Variants in TGFA observed in about 807,000 individuals in gnomAD.
TGFA encodes the protein protransforming growth factor alpha.
A neutral mutation model predicts 21.7 loss-of-function variants in TGFA; 12 were observed. The observed-to-expected ratio is 0.55, with a 90% CI of 0.35 to 0.90. TGFA has a LOEUF of 0.90. Ranked by LOEUF, TGFA falls within the 40% of genes least tolerant of loss-of-function variation. The pLI is 0.01. For missense variants in TGFA, 178 were observed against 210.8 expected, an observed-to-expected ratio of 0.84 and a Z score of 0.96; for synonymous variants, 79 against 88.1, an observed-to-expected ratio of 0.90 and a Z score of 0.58.
At chr2:70,524,566 G>A (rs948287725) in intron 1 of TGFA, among the ~76,000 whole-genome samples, 2 of 152,240 alleles carry the variant, frequency 1.3e-5, no homozygotes, top group East Asian at 1.9e-4. Context: ...TACCAGGGCC[G>A]AGTTCTGAGG....
intron 2 of TGFA, among the ~76,000 whole-genome samples, chr2:70,471,133 T>G (rs1670736108): frequency 7.3e-6 from 1 of 136,662 alleles, no homozygotes; most frequent in Admixed American, 8.0e-5. Flanking sequence ...ATAACCAAAC[T>G]TCTTAAAAAC....
At chr2:70,495,976 C>T (rs1162591060) in intron 2 of TGFA, among the ~76,000 whole-genome samples, 2 of 152,116 alleles carry the variant, frequency 1.3e-5, no homozygotes, top group Admixed American at 6.5e-5. Context: ...TGCGTGCTTC[C>T]TTGATATATA....
At chr2:70,540,973 C>T (rs782709597) in intron 1 of TGFA, among the ~76,000 whole-genome samples, 1 of 152,078 alleles carries the variant, frequency 6.6e-6, no homozygotes, top group African/African-American at 2.4e-5. Flanking sequence ...TTAGCAAAGT[C>T]TAGAGAATGA....
intron 2 of TGFA, among the ~76,000 whole-genome samples, chr2:70,510,818 A>T (rs1289446816): frequency 6.6e-6 from 1 of 152,172 alleles, no homozygotes; most frequent in Non-Finnish European, 1.5e-5. Context: ...GTCAAGTTAT[A>T]AGAACACAGA....
At chr2:70,486,315 G>A (rs559086734) in intron 2 of TGFA, among the ~76,000 whole-genome samples, 4 of 152,276 alleles carry the variant, frequency 2.6e-5, no homozygotes, top group South Asian at 2.1e-4. Flanking sequence ...CCTTCCATCC[G>A]TGTCTGAGTA....
rs550467148 is a variant in TGFA, at chr2:70,499,229, C to T, written c.94+15630G>A. On this transcript the variant is annotated intron_variant, in intron 2 of 5. Coordinates refer to ENST00000295400, the MANE Select transcript of TGFA (RefSeq NM_003236.4). Reference sequence around the variant, plus strand: ...ACCTCTATTTCTAGGTATATAGAGGCCTTCCCGGTCTCCTTGGAGCTAGGT... The same window carrying T: ...ACCTCTATTTCTAGGTATATAGAGGTCTTCCCGGTCTCCTTGGAGCTAGGT... Among the ~76,000 whole-genome samples, 24 of 152,326 alleles carry T rather than the reference C, an allele frequency of 1.6e-4. No homozygotes were observed. In the South Asian group the frequency reaches 4.6e-3, roughly 29 times the overall value.
At chr2:70,469,513 T>TTAGAGAG (rs1670669965) in intron 2 of TGFA, among the ~76,000 whole-genome samples, 2 of 152,108 alleles carry the variant, frequency 1.3e-5, no homozygotes, top group South Asian at 4.2e-4. Context: ...TTTTTGTATC[T>TTAGAGAG]TAGTAGAGAG....
intron 1 of TGFA, among the ~76,000 whole-genome samples, chr2:70,536,308 G>A (rs1553504375): frequency 6.6e-6 from 1 of 152,176 alleles, no homozygotes; most frequent in African/African-American, 2.4e-5. Context: ...TATGGGTAGT[G>A]ACTTCAATAT....
intron 2 of TGFA, among the ~76,000 whole-genome samples, chr2:70,508,975 TAGA>T (rs1289954520): frequency 1.3e-5 from 2 of 152,136 alleles, no homozygotes; most frequent in East Asian, 3.9e-4. Flanking sequence ...GCAAAAAAAG[TAGA>T]AGGTGAAATG....
chr2:70,504,445 T>C (rs797027768), intron 2 of TGFA, among the ~76,000 whole-genome samples: 1 of 66,188 alleles, frequency 1.5e-5, no homozygotes, highest in Non-Finnish European at 3.0e-5. Flanking sequence ...TATATATATA[T>C]ATATATATAT....
chr2:70,500,178 C>A (rs542439888), intron 2 of TGFA, among the ~76,000 whole-genome samples: 1 of 152,132 alleles, frequency 6.6e-6, no homozygotes, highest in South Asian at 2.1e-4. Context: ...CCATATTGGA[C>A]GATGCAGTTC....
chr2:70,542,285 T>C (rs1673156456), intron 1 of TGFA, among the ~76,000 whole-genome samples: 1 of 152,180 alleles, frequency 6.6e-6, no homozygotes, highest in Non-Finnish European at 1.5e-5. Context: ...CCTGAACTAT[T>C]AGCCAGTTAA....
rs11466199 is a variant in TGFA, at chr2:70,541,808, A to G, written c.40+11920T>C. 8.2e-3 allele frequency among the ~76,000 whole-genome samples: 1,253 copies of G among 152,272 alleles called. 16 individuals are homozygous for G. The highest frequency in any genetic ancestry group is 0.027 in the African/African-American group (1,119 of 41,542). On this transcript the variant is annotated intron_variant, in intron 1 of 5. Transcript: ENST00000295400. ...CATTCCTAAAAACTGCTCAGGCCCC[A>G]GGCTTGCTTTCATTCCAGTTCAGGG...
intron 2 of TGFA, among the ~76,000 whole-genome samples, chr2:70,512,961 G>A (rs190561348): frequency 1.3e-5 from 2 of 152,272 alleles, no homozygotes; most frequent in East Asian, 3.9e-4. Context: ...CCAGAGAGCC[G>A]GGAAACTAGG....
intron 2 of TGFA, among the ~76,000 whole-genome samples, chr2:70,514,548 C>CAT (rs2067362): frequency 0.33 from 49,652 of 151,596 alleles, 10,981 homozygotes; most frequent in African/African-American, 0.63. Context: ...GTGGGGAAAA[C>CAT]AGCTGGCCCC....
chr2:70,456,532 C>G (rs374809126), intron 3 of TGFA, 44 bp from the exon 4 acceptor site: 3 of 1,558,136 alleles, frequency 1.9e-6, no homozygotes, highest in Non-Finnish European at 2.6e-6. Flanking sequence ...GACAAAAGGT[C>G]TTGTTACCCT....
chr2:70,511,244 A>G (rs1672090296), intron 2 of TGFA, among the ~76,000 whole-genome samples: 1 of 152,162 alleles, frequency 6.6e-6, no homozygotes, highest in South Asian at 2.1e-4. Context: ...AATTTACATC[A>G]TGGGTAAAGT....
At chr2:70,508,645 A>G (rs1553500555) in intron 2 of TGFA, among the ~76,000 whole-genome samples, 1 of 152,242 alleles carries the variant, frequency 6.6e-6, no homozygotes, top group Non-Finnish European at 1.5e-5. Flanking sequence ...ATTAATAACT[A>G]AAACAAGAGT....
intron 1 of TGFA, among the ~76,000 whole-genome samples, chr2:70,519,212 G>A (rs1672377258): frequency 6.6e-6 from 1 of 152,150 alleles, no homozygotes; most frequent in Non-Finnish European, 1.5e-5. Flanking sequence ...AGGTCCTAAG[G>A]AACAGGAAGT....
Sources: gnomAD v4.1 joint callset for allele counts (sites outside exome capture counted in the v4.1 genomes callset) on GRCh38, gnomAD v4.1.1 for gene constraint, MANE v1.5 for transcripts, NCBI Gene and HGNC (gene_info 2026-07-23, HGNC 2026-07-21) for gene names.